TTC28: variants seen among roughly 807,000 people sequenced by gnomAD.
The protein encoded by TTC28 is tetratricopeptide repeat protein 28.
Under a neutral mutation model 198.0 loss-of-function variants are expected in TTC28, and 61 were observed. The observed-to-expected ratio is 0.31, with a 90% CI of 0.25 to 0.38. The LOEUF (loss-of-function observed/expected upper bound fraction) is 0.38. TTC28 is among the 10% of genes least tolerant of loss of function. The pLI is 1.00. For missense variants in TTC28, 2,678 were observed against 3,164.0 expected (o/e 0.85, Z 3.69); for synonymous variants, 1,171 against 1,297.8 (o/e 0.90, Z 2.10).
intron 22 of TTC28, 75 bp downstream of exon 22, chr22:27,985,174 G>A: frequency 1.9e-6 from 2 of 1,071,792 alleles, no homozygotes; most frequent in Non-Finnish European, 2.7e-6. Context: ...TTCCCAAAAT[G>A]TATGTGCTGG....
At chr22:28,412,445 A>T (rs1272879616) in intron 2 of TTC28, among the ~76,000 whole-genome samples, 1 of 152,180 alleles carries the variant, frequency 6.6e-6, no homozygotes, top group East Asian at 1.9e-4. Flanking sequence ...GCTGGCTCCT[A>T]AAAACCAAAA....
chr22:28,471,587 A>G (rs1195234928), intron 2 of TTC28, among the ~76,000 whole-genome samples: 1 of 152,176 alleles, frequency 6.6e-6, no homozygotes, highest in Non-Finnish European at 1.5e-5. Context: ...AGGGCACAAC[A>G]AGGGAGCAAT....
chr22:28,191,461 G>A lies in TTC28; in HGVS notation c.934-27862C>T, dbSNP rs555105845. Among the ~76,000 whole-genome samples the A allele has an allele frequency of 2.4e-3, 359 of 152,356 alleles. 5 individuals are homozygous for A. The highest frequency in any genetic ancestry group is 2.0e-3 in the Admixed American group (30 of 15,308). ...GTGGGTGCAGGTCAGTGGGTGCAGC[G>A]CACCGAGCGTAAGCGGAGGCAGGGC... On this transcript the variant is annotated intron_variant, in intron 5 of 22. Coordinates refer to ENST00000397906, the MANE Select transcript of TTC28 (RefSeq NM_001145418.2).
intron 12 of TTC28, among the ~76,000 whole-genome samples, chr22:28,071,748 G>GAAAAAAAAAAA (rs371615737): frequency 1.5e-4 from 14 of 91,138 alleles, no homozygotes; most frequent in Non-Finnish European, 2.1e-4. Flanking sequence ...AAAAAAAAAG[G>GAAAAAAAAAAA]AAAAAAAAAA....
chr22:28,170,453 C>A (rs1307651481), intron 5 of TTC28, among the ~76,000 whole-genome samples: 1 of 149,230 alleles, frequency 6.7e-6, no homozygotes, highest in African/African-American at 2.5e-5. Context: ...CACACCACTG[C>A]ACTCCAGCCC....
chr22:28,278,036 A>C (rs1235469406), intron 5 of TTC28, among the ~76,000 whole-genome samples: 1 of 152,140 alleles, frequency 6.6e-6, no homozygotes, highest in Non-Finnish European at 1.5e-5. Context: ...CTGATATGTC[A>C]GGTTATACCT....
At chr22:28,481,276 A>G (rs1040726956) in intron 2 of TTC28, among the ~76,000 whole-genome samples, 7 of 152,228 alleles carry the variant, frequency 4.6e-5, no homozygotes, top group Non-Finnish European at 7.3e-5. Flanking sequence ...AAAAGCAGTT[A>G]CAATCTACAT....
At chr22:28,055,317 C>T (rs928038037) in intron 12 of TTC28, among the ~76,000 whole-genome samples, 6 of 151,904 alleles carry the variant, frequency 3.9e-5, no homozygotes, top group African/African-American at 9.7e-5. Flanking sequence ...ACCTGTAGAA[C>T]GATTAGTGGA....
intron 6 of TTC28, among the ~76,000 whole-genome samples, chr22:28,159,276 G>C: frequency 6.6e-6 from 1 of 152,154 alleles, no homozygotes; most frequent in Non-Finnish European, 1.5e-5. Flanking sequence ...GTGGAGAAAA[G>C]GGAACCCTAG....
At chr22:28,447,551 C>A (rs548337777) in intron 2 of TTC28, among the ~76,000 whole-genome samples, 4 of 152,208 alleles carry the variant, frequency 2.6e-5, no homozygotes, top group Admixed American at 2.6e-4. Flanking sequence ...ATTAAGAGAC[C>A]CAGTATTTCC....
chr22:28,542,540 G>A (rs2049437763), intron 2 of TTC28, among the ~76,000 whole-genome samples: 1 of 151,896 alleles, frequency 6.6e-6, no homozygotes, highest in African/African-American at 2.4e-5. Context: ...ACTTTAAAAT[G>A]GTTAAAATGT....
intron 2 of TTC28, among the ~76,000 whole-genome samples, chr22:28,316,606 A>G (rs1159132350): frequency 6.6e-6 from 1 of 151,998 alleles, no homozygotes; most frequent in Non-Finnish European, 1.5e-5. Flanking sequence ...TTATGTTTTC[A>G]TTTTGATTTA....
At chr22:28,018,079 T>G (rs1220969812) in intron 13 of TTC28, among the ~76,000 whole-genome samples, 1 of 152,166 alleles carries the variant, frequency 6.6e-6, no homozygotes, top group African/African-American at 2.4e-5. Flanking sequence ...CTGGCCCTTC[T>G]TGCAACCTGG....
chr22:28,660,917 A>T lies in TTC28; in HGVS notation c.102+18705T>A, dbSNP rs182441065. On this transcript the variant is annotated intron_variant, in intron 1 of 22. Coordinates refer to ENST00000397906, the MANE Select transcript of TTC28 (RefSeq NM_001145418.2). ...ATGATCTGAGAAAAGGAAAAAAAAA[A>T]TTTTAAATATATAATTCCCTTTATT... Among the ~76,000 whole-genome samples, 470 of 152,160 alleles carry T rather than the reference A, an allele frequency of 3.1e-3. 2 individuals are homozygous for T. The highest frequency in any genetic ancestry group is 3.5e-3 in the Non-Finnish European group (238 of 68,006).
intron 2 of TTC28, among the ~76,000 whole-genome samples, chr22:28,542,524 C>T (rs1324224580): frequency 6.6e-6 from 1 of 152,116 alleles, no homozygotes; most frequent in South Asian, 2.1e-4. Flanking sequence ...TGCCACTGAA[C>T]TGTAAACTTT....
In TTC28 at chr22:28,105,619, A is replaced by G; in HGVS notation, c.2967T>C (p.Asp989=). The G allele has an allele frequency of 1.9e-6, 3 of 1,551,916 alleles. No individual in the cohort carries two copies. The highest frequency in any genetic ancestry group is 2.6e-6 in the Non-Finnish European group (3 of 1,147,054). ...CLERQLNIAR[D]MKDRALESDA... ...CACTCTCCAGGGCTCGGTCTTTCAT[A>G]TCTCTAGCAATGTTCAGCTGGCGTT... is the stretch of plus-strand genomic sequence containing the variant. The change falls in exon 8 of 23, where the codon GAT becomes GAC. Residue 989 remains aspartate, a synonymous_variant. Transcript: ENST00000397906.
chr22:28,521,534 C>A (rs2048909511), intron 2 of TTC28, among the ~76,000 whole-genome samples: 2 of 152,208 alleles, frequency 1.3e-5, no homozygotes. Context: ...TGCTGCTCCT[C>A]TTTCTCTTGG....
chr22:28,557,334 C>T (rs994497758), intron 2 of TTC28, among the ~76,000 whole-genome samples: 2 of 152,182 alleles, frequency 1.3e-5, no homozygotes, highest in Admixed American at 1.3e-4. Context: ...TTTCTCCTAA[C>T]CTCTCTGTCA....
Position 28,030,330 on chromosome 22 carries a change from T to C in TTC28, c.3969A>G (p.Gly1323=). ...CTTCAAATTGCTGGTCCATGATGTC[T>C]CCCGCTTCACTCTCTGTCTCACTGC... ...CASSETESEA[G]DIMDQQFEEM... The change falls in exon 13 of 23, where the codon GGA becomes GGG. Residue 1323 remains glycine (G), a synonymous_variant. Transcript: ENST00000397906. The C allele has an allele frequency of 1.3e-6, 2 of 1,551,788 alleles. No homozygotes were observed. The highest frequency in any genetic ancestry group is 1.2e-5 in the South Asian group (1 of 84,046).
Sources: gnomAD v4.1 joint callset for allele counts (sites outside exome capture counted in the v4.1 genomes callset) on GRCh38, gnomAD v4.1.1 for gene constraint, MANE v1.5 for transcripts, NCBI Gene and HGNC (gene_info 2026-07-23, HGNC 2026-07-21) for gene names.